ELMO2: variants seen among roughly 807,000 people sequenced by gnomAD.
The protein encoded by ELMO2 is engulfment and cell motility 2, also known as engulfment and cell motility protein 2.
In ELMO2, 37 loss-of-function variants were observed where a neutral mutation model predicts 96.2. The observed-to-expected ratio is 0.38, with a 90% CI of 0.30 to 0.51. ELMO2 has a LOEUF of 0.51. Ranked by LOEUF, ELMO2 falls within the 20% of genes least tolerant of loss-of-function variation. The pLI is 0.88. For synonymous variants in ELMO2, 315 were observed against 329.4 expected (o/e 0.96, Z 0.47); for missense variants, 561 against 912.6 (o/e 0.61, Z 4.96).
chr20:46,400,403 C>T (rs1443726486), intron 1 of ELMO2, among the ~76,000 whole-genome samples: 1 of 152,198 alleles, frequency 6.6e-6, no homozygotes. Flanking sequence ...CATTTTCATT[C>T]TAGAAAGGAA....
chr20:46,404,770 TATTG>T (rs546949720), intron 1 of ELMO2, among the ~76,000 whole-genome samples: 2 of 152,230 alleles, frequency 1.3e-5, no homozygotes, highest in Admixed American at 6.5e-5. Flanking sequence ...AATGTTTTAA[TATTG>T]ATTATGTTAT....
chr20:46,374,346 T>G lies in ELMO2; in HGVS notation c.1265A>C (p.Gln422Pro), dbSNP rs139479585. 96 of 1,613,946 alleles carry G rather than the reference T, an allele frequency of 5.9e-5. No individual in the cohort carries two copies. The highest frequency in any genetic ancestry group is 7.7e-5 in the Non-Finnish European group (91 of 1,179,958). The change falls in exon 15 of 22, where the codon CAG (glutamine) becomes CCG (proline). Residue 422 changes from glutamine (Q) to proline (P), a missense_variant. Transcript: ENST00000290246. ...ELTKMLCEIL[Q>P]VGELPNEGRN... ...CAGAGACTTACGTAGTTCCCCAACC[T>G]GCAGGATTTCACAGAGCATTTTGGT...
chr20:46,377,071 T>C, intron 11 of ELMO2: 1 of 271,002 alleles, frequency 3.7e-6, no homozygotes, highest in South Asian at 3.6e-5. Flanking sequence ...TTTTTAAAGC[T>C]CCTTCTAACT....
At chr20:46,394,225 G>C in intron 3 of ELMO2, 136 bp from the exon 4 acceptor site, 2 of 1,117,002 alleles carry the variant, frequency 1.8e-6, no homozygotes, top group South Asian at 2.6e-5. Flanking sequence ...TGTTGAAGAG[G>C]AAGCCTCTCC....
At chr20:46,369,961 GGTGTGTGTGTGTGTGTGTGT>G (rs200632114) in intron 20 of ELMO2, 4 of 49,834 alleles carry the variant, frequency 8.0e-5, no homozygotes, top group South Asian at 1.9e-4. Context: ...TGGGTATGGG[GGTGTGTGTGTGTGTGTGTGT>G]GTGTGTGTGT....
At chr20:46,382,854 G>A (rs2059980819) in intron 10 of ELMO2, among the ~76,000 whole-genome samples, 1 of 152,172 alleles carries the variant, frequency 6.6e-6, no homozygotes, top group African/African-American at 2.4e-5. Context: ...TAATGAACAG[G>A]GGAAGGAAGA....
intron 6 of ELMO2, among the ~76,000 whole-genome samples, chr20:46,391,789 G>C (rs1306007474): frequency 6.6e-6 from 1 of 152,188 alleles, no homozygotes; most frequent in Non-Finnish European, 1.5e-5. Context: ...CAGAAAGGTG[G>C]GGAACTGGGC....
intron 1 of ELMO2, among the ~76,000 whole-genome samples, chr20:46,402,656 A>G (rs2060355456): frequency 6.6e-6 from 1 of 152,246 alleles, no homozygotes; most frequent in Non-Finnish European, 1.5e-5. Context: ...TACTGACCAT[A>G]ACAGCACAGC....
At chr20:46,380,034 T>G in intron 11 of ELMO2, 1 of 462,444 alleles carries the variant, frequency 2.2e-6, no homozygotes, top group South Asian at 3.3e-5. Flanking sequence ...GGTCCCTCCC[T>G]GGACGCACTG....
rs1256780290 is a variant in ELMO2, at chr20:46,374,387, G to A, written c.1224C>T (p.Arg408=). The change falls in exon 15 of 22, where the codon CGC becomes CGT. Residue 408 remains arginine (R), a synonymous_variant. Coordinates refer to ENST00000290246, the MANE Select transcript of ELMO2 (RefSeq NM_133171.5). ...GCATTTTGGTGAGCTCAATGGCACT[G>A]CGGCCAAAGGGGCATTCATGTTTGT... ...REDKHECPFG[R]SAIELTKMLC... 10 of 1,614,154 alleles carry A rather than the reference G, an allele frequency of 6.2e-6. No homozygotes were observed. The highest frequency in any genetic ancestry group is 7.6e-6 in the Non-Finnish European group (9 of 1,180,026).
At chr20:46,406,032 C>G (rs1329452698) in intron 1 of ELMO2, among the ~76,000 whole-genome samples, 1 of 152,198 alleles carries the variant, frequency 6.6e-6, no homozygotes, top group East Asian at 1.9e-4. Context: ...CAAGGGTGAG[C>G]GCAGGAGGTG....
At chr20:46,399,146 G>A (rs546463451) in intron 1 of ELMO2, among the ~76,000 whole-genome samples, 1 of 152,310 alleles carries the variant, frequency 6.6e-6, no homozygotes, top group African/African-American at 2.4e-5. Flanking sequence ...GGAAAGCCAT[G>A]AGAAAGCAGG....
intron 10 of ELMO2, among the ~76,000 whole-genome samples, chr20:46,383,154 C>T (rs2059986322): frequency 6.6e-6 from 1 of 152,158 alleles, no homozygotes; most frequent in African/African-American, 2.4e-5. Flanking sequence ...CCCATAAAGT[C>T]AAACATATTT....
chr20:46,394,531 G>A lies in ELMO2; in HGVS notation c.-49C>T. 1 of 1,581,194 alleles carries A rather than the reference G, an allele frequency of 6.3e-7. No homozygotes were observed. The highest frequency in any genetic ancestry group is 1.1e-5 in the South Asian group (1 of 90,344). On this transcript the variant is annotated splice_region_variant and 5_prime_UTR_variant, in exon 3 of 22. Transcript: ENST00000290246. The stretch of plus-strand genomic sequence containing the variant: ...GCGAGACAAAAACACAGACACGGCT[G>A]CCTGGGGAGAAAGAATCAGAAAGGT...
intron 1 of ELMO2, among the ~76,000 whole-genome samples, chr20:46,405,709 C>A (rs1478268253): frequency 6.6e-6 from 1 of 152,092 alleles, no homozygotes; most frequent in South Asian, 2.1e-4. Context: ...CACGGTGAAA[C>A]CCCGTCTCTA....
chr20:46,372,107 G>T, intron 16 of ELMO2, 138 bp from the exon 17 acceptor site: 2 of 971,378 alleles, frequency 2.1e-6, no homozygotes, highest in Non-Finnish European at 3.0e-6. Context: ...GGTGAGTAAG[G>T]TATACCTTCT....
chr20:46,374,425 T>G lies in ELMO2; in HGVS notation c.1186A>C (p.Ser396Arg). Residue 396 changes from serine to arginine, a missense_variant, in exon 15 of 22, where the codon AGT becomes CGT. Physicochemically the swap from Ser to Arg is moderately radical, Grantham distance 110 (BLOSUM62 -1). Coordinates refer to ENST00000290246, the MANE Select transcript of ELMO2 (RefSeq NM_133171.5). The stretch of plus-strand genomic sequence containing the variant: ...CATTCATGTTTGTCTTCCCGGCTAC[T>G]GTTCTCCAAGACAATCTGTCGGGGG... ...DTYIRIVLENSSREDKHECPF... is the reference protein window; with the variant it reads ...DTYIRIVLENRSREDKHECPF... The G allele has an allele frequency of 1.2e-6, 2 of 1,614,164 alleles. No individual in the cohort carries two copies. Among genetic ancestry groups the G allele is most frequent in the Non-Finnish European group, 1.7e-6 (2 of 1,180,024 alleles).
At chr20:46,370,613 A>G in intron 19 of ELMO2, 88 bp from the exon 20 acceptor site, 1 of 1,252,540 alleles carries the variant, frequency 8.0e-7, no homozygotes, top group Non-Finnish European at 1.2e-6. Context: ...GTACTGGGGC[A>G]GATGCATAGG....
intron 1 of ELMO2, among the ~76,000 whole-genome samples, chr20:46,402,150 T>A (rs2060347132): frequency 6.6e-6 from 1 of 152,138 alleles, no homozygotes; most frequent in Non-Finnish European, 1.5e-5. Flanking sequence ...CCCAGGTCAT[T>A]TATAAACTCT....
Sources: gnomAD v4.1 joint callset for allele counts (sites outside exome capture counted in the v4.1 genomes callset) on GRCh38, gnomAD v4.1.1 for gene constraint, MANE v1.5 for transcripts, NCBI Gene and HGNC (gene_info 2026-07-23, HGNC 2026-07-21) for gene names.